PDGFRB: variants seen among roughly 807,000 people sequenced by gnomAD.
PDGFRB encodes the protein platelet derived growth factor receptor beta, also known as platelet-derived growth factor receptor beta.
Under a neutral mutation model 120.2 loss-of-function variants are expected in PDGFRB, and 42 were observed. That is an observed-to-expected ratio of 0.35 (90% CI 0.27 to 0.45). PDGFRB has a LOEUF of 0.45. Among genes scored for constraint, PDGFRB ranks in the 20% least tolerant of loss-of-function variants. The pLI, the probability that PDGFRB is intolerant of heterozygous loss-of-function variation, is 1.00. For synonymous variants in PDGFRB, 586 were observed against 606.8 expected, an observed-to-expected ratio of 0.97 and a Z score of 0.50; for missense variants, 1,149 against 1,476.3, an observed-to-expected ratio of 0.78 and a Z score of 3.63.
At chr5:150,116,823 C>A (rs1470166765) in intron 22 of PDGFRB, among the ~76,000 whole-genome samples, 1 of 152,100 alleles carries the variant, frequency 6.6e-6, no homozygotes, top group African/African-American at 2.4e-5. Flanking sequence ...GCCTTCGGAG[C>A]CTTCTAAGGC....
rs763239423 is a variant in PDGFRB at position 150,123,172 on chromosome 5, G to A, written c.2053C>T (p.Arg685Cys). The A allele has an allele frequency of 1.3e-4, 210 of 1,613,664 alleles. No individual in the cohort carries two copies. The East Asian group carries it at 4.1e-3, about 32-fold the overall frequency. Residue 685 changes from arginine (R) to cysteine (C), a missense_variant, in exon 15 of 23, where the codon CGC (arginine) becomes TGC (cysteine). Physicochemically the swap from Arg to Cys is radical, Grantham distance 180. Around this residue, in one of 3 missense-constraint regions of PDGFRB, gnomAD observed 879 missense variants for 1,108.6 expected, o/e 0.79. Transcript: ENST00000261799. ...GPIYIITEYC[R>C]YGDLVDYLHR... The stretch of plus-strand genomic sequence containing the variant: ...AGGTAGTCCACCAGGTCTCCGTAGC[G>A]GCAGTACTCAGTGATGATATAGATG...
At chr5:150,124,036 C>T (rs1281779073) in intron 14 of PDGFRB, 3 of 391,942 alleles carry the variant, frequency 7.7e-6, no homozygotes, top group Admixed American at 4.4e-5. Flanking sequence ...GGACTGGTGA[C>T]CTGACTAATC....
chr5:150,139,075 C>T (rs557949322), intron 1 of PDGFRB, among the ~76,000 whole-genome samples: 1 of 152,334 alleles, frequency 6.6e-6, no homozygotes, highest in Non-Finnish European at 1.5e-5. Flanking sequence ...ATCCTCTCCC[C>T]TTCAGGCTCT....
At position 150,115,747 on chromosome 5, in the gene PDGFRB, G is replaced by A; in HGVS notation, c.*16C>T. Reference sequence around the variant, plus strand: ...AGGGGGGGAGCTTCAGGCAGGGCAGGGTAGGGGCCAGCCCCCTACAGGAAG... The same window carrying A: ...AGGGGGGGAGCTTCAGGCAGGGCAGAGTAGGGGCCAGCCCCCTACAGGAAG... On this transcript the variant is annotated 3_prime_UTR_variant, in exon 23 of 23. Coordinates refer to ENST00000261799, the MANE Select transcript of PDGFRB (RefSeq NM_002609.4). 1.3e-6 allele frequency: 2 copies of A among 1,571,602 alleles called. No homozygotes were observed. Among genetic ancestry groups the A allele is most frequent in the Non-Finnish European group, 1.7e-6 (2 of 1,157,262 alleles).
chr5:150,114,809 T>G lies in PDGFRB; in HGVS notation c.*954A>C, dbSNP rs1293838526. 1 of 233,696 alleles carries G rather than the reference T, an allele frequency of 4.3e-6. No individual in the cohort carries two copies. Among genetic ancestry groups the G allele is most frequent in the Non-Finnish European group, 8.5e-6 (1 of 118,044 alleles). 14.5% of individuals were successfully genotyped at this position (233,696 alleles called of 1,614,324 possible). On this transcript the variant is annotated 3_prime_UTR_variant, in exon 23 of 23. Coordinates refer to ENST00000261799, the MANE Select transcript of PDGFRB (RefSeq NM_002609.4). ...ACTCAGAGTTAATAAGTCCGACTTA[T>G]TCATTTTTTGAAGGGGAAACTGAGG... is the stretch of plus-strand genomic sequence containing the variant.
At chr5:150,136,275 CCA>C (rs1313788811) in intron 2 of PDGFRB, among the ~76,000 whole-genome samples, 1 of 152,200 alleles carries the variant, frequency 6.6e-6, no homozygotes, top group Admixed American at 6.5e-5. Context: ...CAGGTTCTGC[CCA>C]AGGCCCAGAG....
At chr5:150,145,712 T>C (rs1428193318) in intron 1 of PDGFRB, among the ~76,000 whole-genome samples, 2 of 151,994 alleles carry the variant, frequency 1.3e-5, no homozygotes, top group African/African-American at 2.4e-5. Flanking sequence ...GCCCAGTACC[T>C]GGCACAGAAC....
At chr5:150,141,561 G>A (rs1262759319) in intron 1 of PDGFRB, among the ~76,000 whole-genome samples, 1 of 152,212 alleles carries the variant, frequency 6.6e-6, no homozygotes, top group African/African-American at 2.4e-5. Context: ...TATGCCACCA[G>A]CTCCACCGCT....
chr5:150,138,816 G>T (rs942807359), intron 1 of PDGFRB, among the ~76,000 whole-genome samples: 1 of 152,234 alleles, frequency 6.6e-6, no homozygotes, highest in African/African-American at 2.4e-5. Context: ...CTTCCTGCTA[G>T]AGATCTCAGC....
In PDGFRB at chr5:150,118,688, G is replaced by A. The variant is rs567094670; in HGVS notation, c.2904+59C>T. ...GCCCATCACGCAGAGCCTTGTACTC[G>A]GTGTCTGACTTCTGCACCAGAGCTC... is the stretch of plus-strand genomic sequence containing the variant. On this transcript the variant is annotated intron_variant, in intron 21 of 22. Coordinates refer to ENST00000261799, the MANE Select transcript of PDGFRB (RefSeq NM_002609.4). 3.5e-5 allele frequency: 35 copies of A among 1,009,712 alleles called. 1 individual carries two copies. Among genetic ancestry groups the A allele is most frequent in the Admixed American group, 1.0e-4 (6 of 58,430 alleles). The allele number at this position is 1,009,712 out of a possible 1,614,324, so 62.5% of individuals were successfully genotyped here. A position where few individuals can be genotyped will look rare whatever the true frequency, so the allele number is the denominator to read the frequency against.
chr5:150,124,195 C>G (rs1354363711), intron 14 of PDGFRB, 55 bp downstream of exon 14: 3 of 1,243,910 alleles, frequency 2.4e-6, no homozygotes, highest in Non-Finnish European at 3.5e-6. Flanking sequence ...TAGGCGGGGC[C>G]TGGCCTTGGT....
rs773441213 is a variant in PDGFRB at position 150,135,539 on chromosome 5, G to C, written c.364+16C>G. The C allele has an allele frequency of 1.3e-6, 2 of 1,551,044 alleles. No individual in the cohort carries two copies. Among genetic ancestry groups the C allele is most frequent in the Admixed American group, 3.4e-5 (2 of 58,296 alleles). On this transcript the variant is annotated intron_variant, in intron 3 of 22. Coordinates refer to ENST00000261799, the MANE Select transcript of PDGFRB (RefSeq NM_002609.4). Reference sequence around the variant, plus strand: ...AAGAGGGGTAAGGAGTGGGCACACAGGCTGGGAGCCCTTACCTGGCACAAA... The same window carrying C: ...AAGAGGGGTAAGGAGTGGGCACACACGCTGGGAGCCCTTACCTGGCACAAA...
chr5:150,117,895 C>A (rs2113884730), intron 21 of PDGFRB, 45 bp from the exon 22 acceptor site: 1 of 1,100,108 alleles, frequency 9.1e-7, no homozygotes, highest in Non-Finnish European at 1.4e-6. Context: ...GATGGTCAGG[C>A]CAGAAATGCC....
chr5:150,136,917 C>T lies in PDGFRB; in HGVS notation c.40+91G>A, dbSNP rs2240781. The stretch of plus-strand genomic sequence containing the variant: ...GCAGGGCAGTGTGCCTGGTGCTTCA[C>T]GCCCTGCCACCAGCACACATCACCC... On this transcript the variant is annotated intron_variant, in intron 2 of 22. Transcript: ENST00000261799. 0.53 allele frequency: 515,851 copies of T among 978,160 alleles called. 139,328 individuals carry two copies. Among genetic ancestry groups the T allele is most frequent in the Admixed American group, 0.6 (29,704 of 49,398 alleles). 60.6% of individuals were successfully genotyped at this position (978,160 alleles called of 1,614,324 possible).
intron 2 of PDGFRB, among the ~76,000 whole-genome samples, chr5:150,136,323 C>A (rs1255004030): frequency 6.6e-6 from 1 of 152,182 alleles, no homozygotes; most frequent in Non-Finnish European, 1.5e-5. Flanking sequence ...GAGGGAGGGG[C>A]TTAGGTAGCT....
intron 1 of PDGFRB, among the ~76,000 whole-genome samples, chr5:150,144,456 C>A (rs1760865482): frequency 6.6e-6 from 1 of 152,170 alleles, no homozygotes; most frequent in South Asian, 2.1e-4. Context: ...CATGAGGCCT[C>A]CCCAGGGAAC....
At chr5:150,118,633 A>G (rs1760039658) in intron 21 of PDGFRB, 114 bp downstream of exon 21, 2 of 725,136 alleles carry the variant, frequency 2.8e-6, no homozygotes, top group South Asian at 3.2e-5. Flanking sequence ...TGAGGCCCAG[A>G]GAGGACAAAG....
Position 150,133,600 on chromosome 5 carries a change from T to C in PDGFRB, c.920A>G (p.Asn307Ser), listed in dbSNP as rs775536586. Residue 307 changes from asparagine to serine, a missense_variant, in exon 6 of 23, where the codon AAC becomes AGC. This residue lies in a region of PDGFRB where 879 missense variants were observed against 1,108.6 expected (regional missense o/e 0.79). Coordinates refer to ENST00000261799, the MANE Select transcript of PDGFRB (RefSeq NM_002609.4). ...VNDHQDEKAINITVVESGYVR... is the reference protein window; with the variant it reads ...VNDHQDEKAISITVVESGYVR... ...AAGGCACACACCAACCACGGTGATG[T>C]TGATGGCCTTTTCATCCTGATGGTC... 1 of 1,614,058 alleles carries C rather than the reference T, an allele frequency of 6.2e-7. No homozygotes were observed. Among genetic ancestry groups the C allele is most frequent in the Middle Eastern group, 1.7e-4 (1 of 6,046 alleles).
chr5:150,133,673 A>G lies in PDGFRB; in HGVS notation c.847T>C (p.Leu283=), dbSNP rs1760540029. The change falls in exon 6 of 23, where the codon TTA becomes CTA. Residue 283 remains leucine (L), a synonymous_variant. Transcript: ENST00000261799. The part of the protein sequence containing the change: ...RSILHIPSAE[L]EDSGTYTCNV... ...CAGGTGTAGGTCCCCGAGTCTTCTA[A>G]CTCGGCACTGGGGATGTGCAGGATG... is the stretch of plus-strand genomic sequence containing the variant. 1 of 1,613,904 alleles carries G rather than the reference A, an allele frequency of 6.2e-7. No homozygotes were observed. Among genetic ancestry groups the G allele is most frequent in the South Asian group, 1.1e-5 (1 of 91,056 alleles).
Sources: allele counts gnomAD v4.1 joint callset (sites outside exome capture counted in the v4.1 genomes callset), GRCh38; gene constraint gnomAD v4.1.1; regional missense constraint gnomAD v4.1.1; transcripts MANE v1.5; gene names NCBI Gene and HGNC (gene_info 2026-07-23, HGNC 2026-07-21).